Variants in DAAM2 observed in about 807,000 individuals in gnomAD.
DAAM2 encodes the protein disheveled-associated activator of morphogenesis 2.
A neutral mutation model predicts 120.7 loss-of-function variants in DAAM2; 39 were observed. That is an observed-to-expected ratio of 0.32 (90% CI 0.25 to 0.42). The LOEUF is 0.42. Among genes scored for constraint, DAAM2 ranks in the 10% least tolerant of loss-of-function variants. The probability of loss-of-function intolerance (pLI) is 1.00; values close to 1 mark genes in which losing one functional copy is unlikely to be tolerated. For synonymous variants in DAAM2, 488 were observed against 524.9 expected (o/e 0.93, Z 0.96); for missense variants, 1,283 against 1,401.7 (o/e 0.92, Z 1.35).
chr6:39,835,714 G>C (rs539526361), intron 1 of DAAM2, among the ~76,000 whole-genome samples: 19 of 152,346 alleles, frequency 1.2e-4, no homozygotes, highest in African/African-American at 3.4e-4. Flanking sequence ...CAGGGGCATG[G>C]GTTGGCGAAG....
At chr6:39,793,861 C>G (rs973234537) in intron 1 of DAAM2, among the ~76,000 whole-genome samples, 1 of 152,130 alleles carries the variant, frequency 6.6e-6, no homozygotes, top group Non-Finnish European at 1.5e-5. Context: ...TTGAGCTAGC[C>G]AGGTCTCTGG....
At position 39,886,566 on chromosome 6, in the gene DAAM2, C is replaced by T. The variant is rs1242830969; in HGVS notation, c.1954-920C>T. 7.5e-6 allele frequency: 3 copies of T among 398,108 alleles called. No homozygotes were observed. The Admixed American group carries it at 1.3e-4, about 18-fold the overall frequency. The allele number at this position is 398,108 out of a possible 1,614,324, so 24.7% of individuals were successfully genotyped here. On this transcript the variant is annotated intron_variant, in intron 15 of 24. Transcript: ENST00000274867. ...TCCACTTTCTACCTTATTCCCCATT[C>T]ATACAGGGTGGTATGGGAGAGGGCC...
intron 1 of DAAM2, among the ~76,000 whole-genome samples, chr6:39,830,027 C>A (rs1158998247): frequency 6.6e-6 from 1 of 152,198 alleles, no homozygotes; most frequent in Non-Finnish European, 1.5e-5. Flanking sequence ...CACCAAGATA[C>A]TTCTGCCCAC....
chr6:39,800,965 C>T (rs1008533957), intron 1 of DAAM2, among the ~76,000 whole-genome samples: 5 of 152,156 alleles, frequency 3.3e-5, no homozygotes, highest in Non-Finnish European at 5.9e-5. Context: ...GAAACCCTAC[C>T]TACTTTGCCA....
At chr6:39,881,813 A>G (rs1212198029) in intron 14 of DAAM2, 1 of 152,114 alleles carries the variant, frequency 6.6e-6, no homozygotes, top group Non-Finnish European at 1.5e-5. Context: ...TCATATAATA[A>G]ATAGATTATT....
intron 1 of DAAM2, among the ~76,000 whole-genome samples, chr6:39,839,009 T>G (rs1017125670): frequency 6.6e-6 from 1 of 152,182 alleles, no homozygotes; most frequent in Non-Finnish European, 1.5e-5. Context: ...CACGATGAAC[T>G]GCTCACCCTA....
intron 1 of DAAM2, among the ~76,000 whole-genome samples, chr6:39,797,743 G>A (rs1347862407): frequency 6.6e-6 from 1 of 152,238 alleles, no homozygotes; most frequent in African/African-American, 2.4e-5. Context: ...AAAAGAAACA[G>A]CCAAGACTTT....
At position 39,904,498 on chromosome 6, in the gene DAAM2, A is replaced by G. The variant is rs1766688970; in HGVS notation, c.*2461A>G. On this transcript the variant is annotated 3_prime_UTR_variant, in exon 25 of 25. Transcript: ENST00000274867. Reference sequence around the variant, plus strand: ...CTGCCACCTTTAGATAAGTTTCTCTAGCTAATTTTGTGGCCAATGTAAAAT... The same window carrying G: ...CTGCCACCTTTAGATAAGTTTCTCTGGCTAATTTTGTGGCCAATGTAAAAT... The G allele has an allele frequency of 2.2e-6, 1 of 454,268 alleles. No individual in the cohort carries two copies. Among genetic ancestry groups the G allele is most frequent in the Admixed American group, 2.3e-5 (1 of 42,560 alleles). 28.1% of individuals were successfully genotyped at this position (454,268 alleles called of 1,614,324 possible).
Position 39,867,527 on chromosome 6 carries a change from T to C in DAAM2, c.446T>C (p.Ile149Thr), listed in dbSNP as rs1230855652. ...ATTTGTAGGTTTGTGACCCGCTTCA[T>C]TGAGCTGGAGGGCTTGACCTGTCTG... ...TQPMRFVTRF[I>T]ELEGLTCLLN... The change falls in exon 6 of 25, where the codon ATT becomes ACT. Residue 149 changes from isoleucine (I) to threonine (T), a missense_variant. By Grantham distance (89) the Ile-to-Thr change is moderately conservative. Coordinates refer to ENST00000274867, the MANE Select transcript of DAAM2 (RefSeq NM_001201427.2). The C allele has an allele frequency of 3.7e-6, 6 of 1,613,716 alleles. No homozygotes were observed. Among genetic ancestry groups the C allele is most frequent in the Non-Finnish European group, 5.1e-6 (6 of 1,179,728 alleles).
At chr6:39,828,454 T>A (rs190158921) in intron 1 of DAAM2, among the ~76,000 whole-genome samples, 1 of 152,188 alleles carries the variant, frequency 6.6e-6, no homozygotes, top group East Asian at 1.9e-4. Context: ...TATGCTATAG[T>A]TTGCATGTCT....
chr6:39,891,214 A>G, intron 17 of DAAM2, 127 bp from the exon 18 acceptor site: 3 of 662,896 alleles, frequency 4.5e-6, no homozygotes, highest in South Asian at 1.8e-5. Flanking sequence ...ATCTGTCCAC[A>G]TGAGGGTGCC....
chr6:39,846,719 C>T lies in DAAM2; in HGVS notation c.-56-9528C>T, dbSNP rs564240154. ...CCACGCTTTTTTTTTTTTTTTGAGA[C>T]GGGGTCTCGCTCTGTTGCCCCACAT... On this transcript the variant is annotated intron_variant, in intron 1 of 24. Coordinates refer to ENST00000274867, the MANE Select transcript of DAAM2 (RefSeq NM_001201427.2). 7.5e-5 allele frequency among the ~76,000 whole-genome samples: 11 copies of T among 147,554 alleles called. No individual in the cohort carries two copies. The South Asian group carries it at 1.1e-3, about 14-fold the overall frequency.
intron 3 of DAAM2, chr6:39,862,803 C>A (rs1764264821): frequency 2.0e-5 from 1 of 49,166 alleles, no homozygotes; most frequent in African/African-American, 7.8e-5. Flanking sequence ...GAAACTCCAT[C>A]TCAAAAAAAA....
intron 1 of DAAM2, among the ~76,000 whole-genome samples, chr6:39,842,279 G>T (rs564266907): frequency 6.6e-6 from 1 of 152,174 alleles, no homozygotes; most frequent in Non-Finnish European, 1.5e-5. Flanking sequence ...ATTCCACTGC[G>T]CCAGGAGCTA....
At chr6:39,803,160 T>A (rs1761916490) in intron 1 of DAAM2, among the ~76,000 whole-genome samples, 1 of 152,250 alleles carries the variant, frequency 6.6e-6, no homozygotes, top group South Asian at 2.1e-4. Context: ...TTGTGCACTT[T>A]TAGGTGAACA....
chr6:39,899,922 C>T lies in DAAM2; in HGVS notation c.2680-155C>T, dbSNP rs186427572. 4.4e-5 allele frequency: 36 copies of T among 810,982 alleles called. No individual in the cohort carries two copies. The Admixed American group carries it at 1.1e-3, about 24-fold the overall frequency. 50.2% of individuals were successfully genotyped at this position (810,982 alleles called of 1,614,324 possible). A position where few individuals can be genotyped will look rare whatever the true frequency, so the allele number is the denominator to read the frequency against. ...GGTGGGCTGGCTGCTAATGTTAGCTCATAGTCTTTGCCATCCTTAGAACTT... is the reference window on the plus strand; with the variant it reads ...GGTGGGCTGGCTGCTAATGTTAGCTTATAGTCTTTGCCATCCTTAGAACTT... On this transcript the variant is annotated intron_variant, in intron 22 of 24. Transcript: ENST00000274867.
chr6:39,797,205 C>A (rs1761728269), intron 1 of DAAM2, among the ~76,000 whole-genome samples: 1 of 152,170 alleles, frequency 6.6e-6, no homozygotes, highest in Admixed American at 6.5e-5. Flanking sequence ...GTGAGCTCTC[C>A]ATAGAGCTTG....
intron 1 of DAAM2, among the ~76,000 whole-genome samples, chr6:39,837,617 C>T (rs551106055): frequency 7.2e-5 from 10 of 138,328 alleles, no homozygotes; most frequent in South Asian, 2.3e-4. Flanking sequence ...GAGCCGAGAT[C>T]GCACCATTGC....
chr6:39,858,047 G>A (rs548299752), intron 2 of DAAM2, among the ~76,000 whole-genome samples: 52 of 152,200 alleles, frequency 3.4e-4, no homozygotes, highest in African/African-American at 1.1e-3. Context: ...CATTTCCACC[G>A]AGATGATTAG....
Sources: gnomAD v4.1 joint callset for allele counts (sites outside exome capture counted in the v4.1 genomes callset) on GRCh38, gnomAD v4.1.1 for gene constraint, MANE v1.5 for transcripts, NCBI Gene and HGNC (gene_info 2026-07-23, HGNC 2026-07-21) for gene names.